The following CCDC9 variants were observed in gnomAD, a reference collection of about 807,000 sequenced individuals.
CCDC9 encodes coiled-coil domain containing 9.
In CCDC9, 52 loss-of-function variants were observed where a neutral mutation model predicts 65.6. That is an observed-to-expected ratio of 0.79 (90% CI 0.63 to 1.00). The LOEUF is 1.00. Ranked by LOEUF, CCDC9 falls within the 50% of genes least tolerant of loss-of-function variation. The pLI, the probability that CCDC9 is intolerant of heterozygous loss-of-function variation, is 0.00. For missense variants in CCDC9, 834 were observed against 757.2 expected, an observed-to-expected ratio of 1.10 and a Z score of -1.19; for synonymous variants, 332 against 280.3, an observed-to-expected ratio of 1.18 and a Z score of -1.84.
Position 47,271,623 on chromosome 19 carries a change from C to A in CCDC9, c.1541C>A (p.Thr514Asn). 2 of 1,609,764 alleles carry A rather than the reference C, an allele frequency of 1.2e-6. No individual in the cohort carries two copies. The highest frequency in any genetic ancestry group is 1.7e-6 in the Non-Finnish European group (2 of 1,177,746). ...GTGGAGCTGAATTCTCCCCGGACCA[C>A]TCACCTGGCTGGCGCCCTCTCCCCG... The part of the protein sequence containing the change: ...EEVELNSPRT[T>N]HLAGALSPGE... The change falls in exon 12 of 12, where the codon ACT (threonine) becomes AAT (asparagine). Residue 514 changes from threonine (T) to asparagine (N), a missense_variant. Coordinates refer to ENST00000221922, the MANE Select transcript of CCDC9 (RefSeq NM_015603.3).
At chr19:47,274,899 G>A (rs1261424849), downstream of CCDC9, 2 of 1,273,486 alleles carry the variant, frequency 1.6e-6, no homozygotes, top group South Asian at 2.8e-5. Context: ...TCTGCGGCGC[G>A]GAGCCGAGTG....
At chr19:47,275,233 C>G, downstream of CCDC9, 1 of 1,535,004 alleles carries the variant, frequency 6.5e-7, no homozygotes. Context: ...GGGCCGCGAC[C>G]CCAGCTCCAG....
downstream of CCDC9, chr19:47,274,757 T>G: frequency 3.3e-6 from 1 of 300,740 alleles, no homozygotes; most frequent in Non-Finnish European, 4.9e-6. Flanking sequence ...GGGGTGGGCC[T>G]AGGATGCGGA....
downstream of CCDC9, among the ~76,000 whole-genome samples, chr19:47,273,191 C>T (rs1026085790): frequency 6.6e-6 from 1 of 152,088 alleles, no homozygotes; most frequent in Non-Finnish European, 1.5e-5. Context: ...CTGCGTGGGT[C>T]CGCTGAGAGG....
chr19:47,262,432 G>T (rs1337721933), intron 5 of CCDC9, among the ~76,000 whole-genome samples: 1 of 152,018 alleles, frequency 6.6e-6, no homozygotes, highest in African/African-American at 2.4e-5. Flanking sequence ...GGCCAGGCTG[G>T]CCTTGAACTC....
In CCDC9 at chr19:47,259,350, C is replaced by T. The variant is rs115974643; in HGVS notation, c.108+687C>T. 1.0e-2 allele frequency among the ~76,000 whole-genome samples: 1,518 copies of T among 152,096 alleles called. 28 individuals carry two copies. Among genetic ancestry groups the T allele is most frequent in the African/African-American group, 0.035 (1,458 of 41,466 alleles). ...GGAGAGCCTTGAGCAGGGGTGGGAC[C>T]GGTCAGAACAGCTCTTTAGGAAGAC... On this transcript the variant is annotated intron_variant, in intron 3 of 11. Coordinates refer to ENST00000221922, the MANE Select transcript of CCDC9 (RefSeq NM_015603.3).
intron 7 of CCDC9, among the ~76,000 whole-genome samples, chr19:47,265,500 G>A (rs2059075857): frequency 6.6e-6 from 1 of 152,120 alleles, no homozygotes; most frequent in Admixed American, 6.6e-5. Context: ...TAGAAGAGGA[G>A]GCAGGGGCAG....
downstream of CCDC9, chr19:47,274,992 G>T (rs1600298283): frequency 1.4e-6 from 2 of 1,469,148 alleles, no homozygotes; most frequent in Non-Finnish European, 1.8e-6. Context: ...GGGCCCGCGG[G>T]GGCGCTGGCT....
At chr19:47,266,998 T>A (rs1341313110) in intron 8 of CCDC9, among the ~76,000 whole-genome samples, 2 of 151,866 alleles carry the variant, frequency 1.3e-5, no homozygotes, top group Non-Finnish European at 2.9e-5. Flanking sequence ...GGAGTCTCGC[T>A]CTGTCGCCCA....
rs118041406 is a variant in CCDC9 at position 47,270,471 on chromosome 19, G to A, written c.949+18G>A. 8,938 of 1,614,204 alleles carry A rather than the reference G, an allele frequency of 5.5e-3. 29 individuals carry two copies. Among genetic ancestry groups the A allele is most frequent in the Non-Finnish European group, 6.4e-3 (7,544 of 1,180,028 alleles). ...CCGCTATGGTGAGTGGGTGCCCTTG[G>A]ATGAGCTGAGGCTCGGTCTGGGAGT... On this transcript the variant is annotated intron_variant, in intron 9 of 11. Coordinates refer to ENST00000221922, the MANE Select transcript of CCDC9 (RefSeq NM_015603.3).
intron 9 of CCDC9, 21 bp downstream of exon 9, chr19:47,270,474 G>A (rs1408243419): frequency 5.6e-6 from 9 of 1,614,090 alleles, no homozygotes; most frequent in Non-Finnish European, 5.9e-6. Context: ...GCCCTTGGAT[G>A]AGCTGAGGCT....
intron 3 of CCDC9, among the ~76,000 whole-genome samples, 157 bp from the exon 4 acceptor site, chr19:47,260,164 A>G (rs1045316345): frequency 2.6e-5 from 4 of 152,146 alleles, no homozygotes; most frequent in Non-Finnish European, 5.9e-5. Flanking sequence ...GTGGGGCTGC[A>G]ACGTGCTGAG....
In CCDC9 at chr19:47,260,356, G is replaced by A; in HGVS notation, c.144G>A (p.Glu48=). 2 of 1,601,450 alleles carry A rather than the reference G, an allele frequency of 1.2e-6. No individual in the cohort carries two copies. Among genetic ancestry groups the A allele is most frequent in the Non-Finnish European group, 8.5e-7 (1 of 1,173,858 alleles). The change falls in exon 4 of 12, where the codon GAG becomes GAA. Residue 48 remains glutamate (E), a synonymous_variant. Transcript: ENST00000221922. ...AAGACCGTAAGAAAGCTGAACTTGA[G>A]GGAGTCGCAGTCACAGCTCCCCGAA... ...IEEDRKKAEL[E]GVAVTAPRKG...
intron 8 of CCDC9, among the ~76,000 whole-genome samples, chr19:47,268,221 C>G (rs2059095038): frequency 6.6e-6 from 1 of 152,060 alleles, no homozygotes; most frequent in East Asian, 1.9e-4. Context: ...AGACTTAAAG[C>G]AAAGCCCTCA....
Position 47,271,300 on chromosome 19 carries a change from C to T in CCDC9, c.1218C>T (p.His406=). Residue 406 remains histidine (H), a synonymous_variant, in exon 12 of 12, where the codon CAC becomes CAT. Transcript: ENST00000221922. ...CACCCGAGATCCCAGCTCCTGCCCACCGGCCTCCTGAAGACGAGGGGGAAG... is the reference window on the plus strand; with the variant it reads ...CACCCGAGATCCCAGCTCCTGCCCATCGGCCTCCTGAAGACGAGGGGGAAG... ...MQPPEIPAPA[H]RPPEDEGEEN... 1 of 1,612,604 alleles carries T rather than the reference C, an allele frequency of 6.2e-7. No homozygotes were observed. Among genetic ancestry groups the T allele is most frequent in the Non-Finnish European group, 8.5e-7 (1 of 1,179,350 alleles).
downstream of CCDC9, chr19:47,275,215 T>C (rs1371989305): frequency 6.6e-7 from 1 of 1,526,432 alleles, no homozygotes; most frequent in South Asian, 1.2e-5. Flanking sequence ...CTCCTGGGAG[T>C]CCCCGGCGGG....
chr19:47,275,546 C>A (rs932113724), downstream of CCDC9: 36 of 686,494 alleles, frequency 5.2e-5, no homozygotes, highest in African/African-American at 6.8e-4. Context: ...TGTGGTCAGG[C>A]CGGGTCCTCC....
downstream of CCDC9, chr19:47,273,841 G>T: frequency 2.8e-6 from 1 of 356,708 alleles, no homozygotes; most frequent in Non-Finnish European, 4.0e-6. Flanking sequence ...GCTCACCCTT[G>T]AACTGTGTTT....
At chr19:47,262,645 G>C (rs1475359081) in intron 5 of CCDC9, among the ~76,000 whole-genome samples, 1 of 152,132 alleles carries the variant, frequency 6.6e-6, no homozygotes, top group Non-Finnish European at 1.5e-5. Context: ...ATCACTTTTG[G>C]TCATGTCCTG....
Sources: allele counts gnomAD v4.1 joint callset (sites outside exome capture counted in the v4.1 genomes callset), GRCh38; gene constraint gnomAD v4.1.1; transcripts MANE v1.5; gene names NCBI Gene and HGNC (gene_info 2026-07-23, HGNC 2026-07-21).